Variants in PDCD6IP observed in about 807,000 individuals in gnomAD.
PDCD6IP encodes the protein programmed cell death 6-interacting protein.
PDCD6IP carries 43 observed loss-of-function variants against 103.7 expected under a neutral mutation model. That is an observed-to-expected ratio of 0.41 (90% CI 0.32 to 0.53). The LOEUF (loss-of-function observed/expected upper bound fraction) is 0.53, where lower values mean the gene tolerates loss of function less well. PDCD6IP is among the 20% of genes least tolerant of loss of function. The pLI, the probability that PDCD6IP is intolerant of heterozygous loss-of-function variation, is 0.16. For synonymous variants in PDCD6IP, 354 were observed against 378.7 expected, an observed-to-expected ratio of 0.93 and a Z score of 0.76; for missense variants, 871 against 1,036.7, an observed-to-expected ratio of 0.84 and a Z score of 2.20.
chr3:33,798,707 A>G lies in PDCD6IP; in HGVS notation c.-22A>G. 1 of 1,531,344 alleles carries G rather than the reference A, an allele frequency of 6.5e-7. No individual in the cohort carries two copies. The highest frequency in any genetic ancestry group is 8.8e-7 in the Non-Finnish European group (1 of 1,132,962). The allele number at this position is 1,531,344 out of a possible 1,614,324, so 94.9% of individuals were successfully genotyped here. A position where few individuals can be genotyped will look rare whatever the true frequency, so the allele number is the denominator to read the frequency against. The stretch of plus-strand genomic sequence containing the variant: ...AGCTGTCCGCGGTCTGTTTGGCCCG[A>G]ACGGCGGCGGAGGCGCTGATCATGG... On this transcript the variant is annotated 5_prime_UTR_variant, in exon 1 of 18. Transcript: ENST00000307296.
intron 7 of PDCD6IP, among the ~76,000 whole-genome samples, chr3:33,831,818 T>TA (rs1443041359): frequency 6.6e-6 from 1 of 151,940 alleles, no homozygotes; most frequent in Non-Finnish European, 1.5e-5. Context: ...ACTGAAGTGG[T>TA]AGTATGCTAT....
At chr3:33,846,054 G>T (rs1243553898) in intron 12 of PDCD6IP, among the ~76,000 whole-genome samples, 20 of 152,166 alleles carry the variant, frequency 1.3e-4, no homozygotes, top group Admixed American at 2.0e-4. Flanking sequence ...TATTTCTACT[G>T]ATGACAGGAA....
intron 17 of PDCD6IP, among the ~76,000 whole-genome samples, chr3:33,865,688 G>A (rs1474853506): frequency 6.6e-6 from 1 of 152,170 alleles, no homozygotes; most frequent in Non-Finnish European, 1.5e-5. Context: ...GTATTATAGA[G>A]TTTAGTAGGT....
intron 9 of PDCD6IP, among the ~76,000 whole-genome samples, chr3:33,839,227 G>T (rs186441729): frequency 6.6e-6 from 1 of 152,164 alleles, no homozygotes; most frequent in Admixed American, 6.5e-5. Flanking sequence ...TCTTCTTTTA[G>T]CCCCTGGCCG....
rs1314738603 is a variant in PDCD6IP at position 33,865,366 on chromosome 3, C to A, written c.2368C>A (p.Pro790Thr). 6.2e-7 allele frequency: 1 copy of A among 1,601,198 alleles called. No homozygotes were observed. Among genetic ancestry groups the A allele is most frequent in the Non-Finnish European group, 8.5e-7 (1 of 1,174,450 alleles). The change falls in exon 17 of 18, where the codon CCT becomes ACT. Residue 790 changes from proline (P) to threonine (T), a missense_variant. Physicochemically the swap from Pro to Thr is conservative, Grantham distance 38. Around this residue, in one of 5 missense-constraint regions of PDCD6IP, gnomAD observed 202 missense variants for 205.2 expected, o/e 0.98. Coordinates refer to ENST00000307296, the MANE Select transcript of PDCD6IP (RefSeq NM_013374.6). The part of the protein sequence containing the change: ...GTAAPAPSQT[P>T]GSAPPPQAQG... ...TGCTGCGCCAGCTCCATCACAAACG[C>A]CTGGCTCAGCTCCTCCTCCACAGGC...
At position 33,800,119 on chromosome 3, in the gene PDCD6IP, CAAA is replaced by C. The variant is rs1173163869; in HGVS notation, c.209+1206_209+1208del. On this transcript the variant is annotated intron_variant, in intron 1 of 17. Coordinates refer to ENST00000307296, the MANE Select transcript of PDCD6IP (RefSeq NM_013374.6). The stretch of plus-strand genomic sequence containing the variant: ...TGGGCGACAGAGTGAGACTCCATCT[CAAA>C]AAAAAAAAAAAAAAAAAAAAAAAGT... 8.5e-4 allele frequency among the ~76,000 whole-genome samples: 43 copies of C among 50,862 alleles called. 1 individual carries two copies. The highest frequency in any genetic ancestry group is 2.3e-3 in the Admixed American group (12 of 5,188). The allele number at this position is 50,862 out of a possible 152,430, so 33.4% of individuals were successfully genotyped here. A position where few individuals can be genotyped will look rare whatever the true frequency, so the allele number is the denominator to read the frequency against.
intron 1 of PDCD6IP, among the ~76,000 whole-genome samples, chr3:33,802,318 A>C (rs1163145447): frequency 6.6e-6 from 1 of 152,066 alleles, no homozygotes; most frequent in Non-Finnish European, 1.5e-5. Context: ...GGATGCTAGG[A>C]AAAGGAATTT....
chr3:33,845,562 C>T lies in PDCD6IP; in HGVS notation c.1615C>T (p.Pro539Ser). Residue 539 changes from proline (P) to serine (S), a missense_variant, in exon 12 of 18, where the codon CCA (proline) becomes TCA (serine). Physicochemically the swap from Pro to Ser is moderately conservative, Grantham distance 74. Around this residue, in one of 5 missense-constraint regions of PDCD6IP, gnomAD observed 266 missense variants for 390.5 expected, o/e 0.68. Transcript: ENST00000307296. ...ELNAAIPSAN[P>S]AKTMQGSEVV... The stretch of plus-strand genomic sequence containing the variant: ...GAATGCTGCCATCCCTTCTGCTAAT[C>T]CAGCAAAGACCATGCAGGGCAGTGA... The T allele has an allele frequency of 6.2e-7, 1 of 1,611,264 alleles. No homozygotes were observed.
chr3:33,861,643 G>A (rs1484859307), intron 15 of PDCD6IP, among the ~76,000 whole-genome samples: 2 of 152,308 alleles, frequency 1.3e-5, no homozygotes, highest in East Asian at 1.9e-4. Context: ...GTTTTCCAAC[G>A]TGATTGTACT....
chr3:33,829,121 C>T (rs1697191812), intron 7 of PDCD6IP, 152 bp downstream of exon 7: 1 of 454,982 alleles, frequency 2.2e-6, no homozygotes. Flanking sequence ...GACTTTACTG[C>T]ATGTTTTTTT....
At chr3:33,850,399 A>G (rs112666034) in intron 12 of PDCD6IP, among the ~76,000 whole-genome samples, 6,128 of 152,230 alleles carry the variant, frequency 0.04, 187 homozygotes, top group South Asian at 0.074. Flanking sequence ...ATGATTCAAA[A>G]GGTACATACA....
chr3:33,818,653 G>A (rs930720013), intron 3 of PDCD6IP, among the ~76,000 whole-genome samples: 3 of 151,168 alleles, frequency 2.0e-5, no homozygotes, highest in Non-Finnish European at 4.4e-5. Flanking sequence ...CGAGTAGCTG[G>A]GACTACAGGT....
At chr3:33,818,412 T>C (rs1218673291) in intron 3 of PDCD6IP, among the ~76,000 whole-genome samples, 1 of 151,444 alleles carries the variant, frequency 6.6e-6, no homozygotes, top group African/African-American at 2.4e-5. Flanking sequence ...CTGGCTGATA[T>C]TTAATTTTGT....
rs1267870866 is a variant in PDCD6IP at position 33,868,353 on chromosome 3, A to G, written c.*1828A>G. 2.6e-5 allele frequency: 4 copies of G among 152,208 alleles called. No homozygotes were observed. The highest frequency in any genetic ancestry group is 9.7e-5 in the African/African-American group (4 of 41,418). 9.4% of individuals were successfully genotyped at this position (152,208 alleles called of 1,614,324 possible). A position where few individuals can be genotyped will look rare whatever the true frequency, so the allele number is the denominator to read the frequency against. ...ATTCTCTTGGGGAAAGAGGGCACCAAAGAAAAGGGTAAGTGCATCTGAGGG... is the reference window on the plus strand; with the variant it reads ...ATTCTCTTGGGGAAAGAGGGCACCAGAGAAAAGGGTAAGTGCATCTGAGGG... On this transcript the variant is annotated 3_prime_UTR_variant, in exon 18 of 18. Transcript: ENST00000307296.
At chr3:33,835,731 G>C (rs1422743490) in intron 7 of PDCD6IP, among the ~76,000 whole-genome samples, 2 of 151,614 alleles carry the variant, frequency 1.3e-5, no homozygotes, top group Non-Finnish European at 2.9e-5. Flanking sequence ...AAAAAAAGAA[G>C]GAAAAAAAGA....
chr3:33,823,987 C>T (rs1697053816), intron 4 of PDCD6IP, among the ~76,000 whole-genome samples: 1 of 152,118 alleles, frequency 6.6e-6, no homozygotes, highest in South Asian at 2.1e-4. Flanking sequence ...AGGTCCTTGT[C>T]TAGGCTGCTT....
intron 9 of PDCD6IP, among the ~76,000 whole-genome samples, chr3:33,841,599 C>T (rs550821735): frequency 2.0e-3 from 299 of 151,376 alleles, no homozygotes; most frequent in African/African-American, 6.6e-3. Context: ...CCACCACGCC[C>T]GGCTAATTTT....
intron 7 of PDCD6IP, among the ~76,000 whole-genome samples, 183 bp from the exon 8 acceptor site, chr3:33,835,861 C>A (rs1444421851): frequency 1.3e-5 from 2 of 152,152 alleles, no homozygotes; most frequent in African/African-American, 2.4e-5. Flanking sequence ...TATTATCCTT[C>A]AGTTTTCGGG....
chr3:33,843,739 A>G (rs1697525283), intron 10 of PDCD6IP, among the ~76,000 whole-genome samples: 2 of 152,172 alleles, frequency 1.3e-5, no homozygotes, highest in African/African-American at 4.8e-5. Flanking sequence ...TTGTATTGGA[A>G]TGAAAGTCTA....
Sources: gnomAD v4.1 joint callset for allele counts (sites outside exome capture counted in the v4.1 genomes callset) on GRCh38, gnomAD v4.1.1 for gene constraint, gnomAD v4.1.1 regional missense constraint, MANE v1.5 for transcripts, NCBI Gene and HGNC (gene_info 2026-07-23, HGNC 2026-07-21) for gene names.